FAM13A: variants seen among roughly 807,000 people sequenced by gnomAD.
FAM13A encodes the protein protein FAM13A.
Under a neutral mutation model 129.6 loss-of-function variants are expected in FAM13A, and 76 were observed. The observed-to-expected ratio is 0.59, with a 90% CI of 0.49 to 0.71. The LOEUF (loss-of-function observed/expected upper bound fraction) is 0.71, where lower values mean the gene tolerates loss of function less well. Ranked by LOEUF, FAM13A falls within the 30% of genes least tolerant of loss-of-function variation. The pLI is 0.00. For missense variants in FAM13A, 1,108 were observed against 1,249.3 expected (o/e 0.89, Z 1.70); for synonymous variants, 443 against 449.9 (o/e 0.98, Z 0.20).
intron 5 of FAM13A, among the ~76,000 whole-genome samples, chr4:88,914,137 C>T (rs894726300): frequency 2.0e-5 from 3 of 152,188 alleles, no homozygotes; most frequent in African/African-American, 4.8e-5. Context: ...GCATTCAACC[C>T]GCCAAGTGCA....
chr4:88,964,426 A>C (rs763420423), intron 4 of FAM13A, among the ~76,000 whole-genome samples: 3 of 152,070 alleles, frequency 2.0e-5, no homozygotes, highest in Admixed American at 6.5e-5. Flanking sequence ...TTTGGGATTA[A>C]AAAAATATTA....
intron 3 of FAM13A, among the ~76,000 whole-genome samples, chr4:89,013,819 C>T (rs1015275504): frequency 6.6e-6 from 1 of 152,154 alleles, no homozygotes; most frequent in Non-Finnish European, 1.5e-5. Context: ...TCATTTTGTT[C>T]TAACGCTGAT....
intron 19 of FAM13A, 129 bp downstream of exon 19, chr4:88,746,803 A>G (rs1211453948): frequency 3.0e-6 from 2 of 657,756 alleles, no homozygotes; most frequent in Non-Finnish European, 5.4e-6. Flanking sequence ...AATATATACT[A>G]ACCTCCTTTA....
At chr4:88,803,556 A>ATC (rs1727961824) in intron 8 of FAM13A, among the ~76,000 whole-genome samples, 1 of 134,686 alleles carries the variant, frequency 7.4e-6, no homozygotes, top group African/African-American at 2.8e-5. Flanking sequence ...AACATTTGTT[A>ATC]TTACTGTGTA....
chr4:88,944,256 G>A (rs1004445130), intron 4 of FAM13A, among the ~76,000 whole-genome samples: 5 of 152,198 alleles, frequency 3.3e-5, no homozygotes, highest in African/African-American at 1.2e-4. Flanking sequence ...GGAGGCTGAA[G>A]TGGGAGGACC....
chr4:88,978,697 G>A (rs954360465), intron 4 of FAM13A, among the ~76,000 whole-genome samples: 3 of 152,154 alleles, frequency 2.0e-5, no homozygotes, highest in African/African-American at 4.8e-5. Flanking sequence ...GGGAGGCTGA[G>A]GCAGGAGAAT....
chr4:88,832,646 T>C (rs780951417), intron 7 of FAM13A, among the ~76,000 whole-genome samples: 10 of 152,066 alleles, frequency 6.6e-5, no homozygotes, highest in African/African-American at 9.7e-5. Context: ...ACAGCACTCA[T>C]CATTAGAGAA....
At chr4:89,028,554 G>A (rs1768285083) in intron 2 of FAM13A, among the ~76,000 whole-genome samples, 1 of 151,988 alleles carries the variant, frequency 6.6e-6, no homozygotes, top group Admixed American at 6.6e-5. Flanking sequence ...CAGGCAGTGT[G>A]GCAGAACACA....
rs986446914 is a variant in FAM13A at position 88,728,422 on chromosome 4, G to A, written c.*111C>T. On this transcript the variant is annotated 3_prime_UTR_variant, in exon 24 of 24. Coordinates refer to ENST00000264344, the MANE Select transcript of FAM13A (RefSeq NM_014883.4). ...ATGCCAAATGGTCTAGAGGCAGAAGGGCTGCATGCTTTGCAGGGCCAGCCC... is the reference window on the plus strand; with the variant it reads ...ATGCCAAATGGTCTAGAGGCAGAAGAGCTGCATGCTTTGCAGGGCCAGCCC... The A allele has an allele frequency of 2.2e-6, 3 of 1,333,854 alleles. No homozygotes were observed. Among genetic ancestry groups the A allele is most frequent in the Non-Finnish European group, 3.2e-6 (3 of 946,210 alleles). 82.6% of individuals were successfully genotyped at this position (1,333,854 alleles called of 1,614,324 possible).
intron 4 of FAM13A, among the ~76,000 whole-genome samples, chr4:88,961,692 G>T (rs899293833): frequency 6.6e-6 from 1 of 152,012 alleles, no homozygotes; most frequent in Non-Finnish European, 1.5e-5. Flanking sequence ...GTGGTGTGTG[G>T]AAGAAGCAGT....
intron 7 of FAM13A, among the ~76,000 whole-genome samples, chr4:88,831,127 CA>C (rs1210994140): frequency 6.6e-6 from 1 of 152,100 alleles, no homozygotes; most frequent in Non-Finnish European, 1.5e-5. Flanking sequence ...ACAGTTTTGC[CA>C]GATGGACTTT....
intron 7 of FAM13A, among the ~76,000 whole-genome samples, chr4:88,816,874 G>A (rs920487449): frequency 2.0e-5 from 3 of 152,122 alleles, no homozygotes; most frequent in Non-Finnish European, 2.9e-5. Context: ...TTAGGGATCC[G>A]TTTGGCTCTA....
intron 5 of FAM13A, among the ~76,000 whole-genome samples, chr4:88,933,999 T>C (rs1405723659): frequency 2.0e-5 from 3 of 152,162 alleles, no homozygotes; most frequent in Non-Finnish European, 4.4e-5. Context: ...AATCCAACTG[T>C]ACTGGCCTCT....
rs370470514 is a variant in FAM13A, at chr4:88,903,521, C to T, written c.843+2858G>A. Reference sequence around the variant, plus strand: ...AAAAGCAAACTATGGGAAAATGATTCTCTAATAAATGGTGCTGAGAGAACA... The same window carrying T: ...AAAAGCAAACTATGGGAAAATGATTTTCTAATAAATGGTGCTGAGAGAACA... On this transcript the variant is annotated intron_variant, in intron 6 of 23. Coordinates refer to ENST00000264344, the MANE Select transcript of FAM13A (RefSeq NM_014883.4). Among the ~76,000 whole-genome samples, 14 of 152,216 alleles carry T rather than the reference C, an allele frequency of 9.2e-5. No homozygotes were observed. The South Asian group carries it at 1.7e-3, about 18-fold the overall frequency.
intron 4 of FAM13A, among the ~76,000 whole-genome samples, chr4:88,962,329 T>C (rs1302667595): frequency 2.0e-5 from 3 of 152,236 alleles, no homozygotes; most frequent in Admixed American, 1.3e-4. Flanking sequence ...ATGAACGAGA[T>C]TTAGGAAATT....
rs190775615 is a variant in FAM13A, at chr4:88,772,366, C to T, written c.1459-4307G>A. Among the ~76,000 whole-genome samples, 29 of 152,254 alleles carry T rather than the reference C, an allele frequency of 1.9e-4. 1 individual carries two copies. The East Asian group carries it at 5.2e-3, about 27-fold the overall frequency. On this transcript the variant is annotated intron_variant, in intron 11 of 23. Coordinates refer to ENST00000264344, the MANE Select transcript of FAM13A (RefSeq NM_014883.4). ...GAACTACTGGTATCATAAAAGATGC[C>T]TAAGAAAGAGTTTGCTAGCTGTCCA...
intron 4 of FAM13A, among the ~76,000 whole-genome samples, chr4:88,961,345 G>A (rs1409827487): frequency 6.3e-5 from 5 of 79,508 alleles, no homozygotes; most frequent in Admixed American, 2.8e-4. Flanking sequence ...TGTGGAATTT[G>A]CCTTTTTTTT....
Position 88,728,292 on chromosome 4 carries a change from T to G in FAM13A, c.*241A>C. 1.8e-6 allele frequency: 1 copy of G among 562,044 alleles called. No homozygotes were observed. Among genetic ancestry groups the G allele is most frequent in the East Asian group, 3.0e-5 (1 of 33,322 alleles). 34.8% of individuals were successfully genotyped at this position (562,044 alleles called of 1,614,324 possible). A position where few individuals can be genotyped will look rare whatever the true frequency, so the allele number is the denominator to read the frequency against. On this transcript the variant is annotated 3_prime_UTR_variant, in exon 24 of 24. Coordinates refer to ENST00000264344, the MANE Select transcript of FAM13A (RefSeq NM_014883.4). ...GTGTGTGCGTGCATGCGCGTGCGCA[T>G]GTGCACATACTGCAGTCTTGACTTT...
At chr4:88,901,472 A>C (rs1454838949) in intron 6 of FAM13A, among the ~76,000 whole-genome samples, 3 of 152,228 alleles carry the variant, frequency 2.0e-5, no homozygotes, top group Non-Finnish European at 4.4e-5. Context: ...ATTAGAACTC[A>C]AGATTAAGAA....
Sources: allele counts gnomAD v4.1 joint callset (sites outside exome capture counted in the v4.1 genomes callset), GRCh38; gene constraint gnomAD v4.1.1; transcripts MANE v1.5; gene names NCBI Gene and HGNC (gene_info 2026-07-23, HGNC 2026-07-21).